The following CACNA2D1 variants were observed in gnomAD, a reference collection of about 807,000 sequenced individuals.
CACNA2D1 encodes calcium voltage-gated channel auxiliary subunit alpha2delta 1, also known as voltage-dependent calcium channel subunit alpha-2/delta-1.
Under a neutral mutation model 171.5 loss-of-function variants are expected in CACNA2D1, and 53 were observed. That is an observed-to-expected ratio of 0.31 (90% CI 0.25 to 0.39). The LOEUF (loss-of-function observed/expected upper bound fraction) is 0.39, where lower values mean the gene tolerates loss of function less well. CACNA2D1 is among the 10% of genes least tolerant of loss of function. The pLI is 1.00. For synonymous variants in CACNA2D1, 442 were observed against 443.1 expected (o/e 1.00, Z 0.03); for missense variants, 903 against 1,299.8 (o/e 0.69, Z 4.69).
intron 1 of CACNA2D1, 62 bp from the exon 2 acceptor site, chr7:82,349,711 A>T: frequency 1.6e-6 from 2 of 1,214,044 alleles, no homozygotes; most frequent in South Asian, 1.2e-5. Flanking sequence ...TCACATGCTG[A>T]TATTTTATAT....
intron 5 of CACNA2D1, among the ~76,000 whole-genome samples, chr7:82,130,273 T>G (rs965525861): frequency 6.6e-6 from 1 of 152,176 alleles, no homozygotes; most frequent in Non-Finnish European, 1.5e-5. Context: ...TCACAAAGAT[T>G]GGCTGTGCCT....
At chr7:82,269,439 T>C (rs566336742) in intron 3 of CACNA2D1, among the ~76,000 whole-genome samples, 18 of 152,308 alleles carry the variant, frequency 1.2e-4, no homozygotes, top group African/African-American at 4.1e-4. Flanking sequence ...TGTCTCACCA[T>C]TTTCTTCCTG....
chr7:81,976,404 T>C (rs1246561944), intron 24 of CACNA2D1, among the ~76,000 whole-genome samples: 4 of 152,196 alleles, frequency 2.6e-5, no homozygotes, highest in Non-Finnish European at 5.9e-5. Context: ...TGTTTTTGTC[T>C]TCTCTTACTT....
chr7:82,060,567 T>G (rs1350342844), intron 9 of CACNA2D1, 40 bp from the exon 10 acceptor site: 2 of 1,165,100 alleles, frequency 1.7e-6, no homozygotes, highest in East Asian at 2.4e-5. Context: ...TTACTCATCA[T>G]GTATTTAATC....
chr7:82,387,118 T>C (rs983224564), intron 1 of CACNA2D1, among the ~76,000 whole-genome samples: 3 of 152,284 alleles, frequency 2.0e-5, no homozygotes, highest in South Asian at 2.1e-4. Flanking sequence ...TTTCAAATGG[T>C]CATATGTCTT....
rs537061982 is a variant in CACNA2D1 at position 82,405,938 on chromosome 7, G to A, written c.95+37427C>T. On this transcript the variant is annotated intron_variant, in intron 1 of 38. Coordinates refer to ENST00000356860, the MANE Select transcript of CACNA2D1 (RefSeq NM_000722.4). ...AAGTTCTAGGGTACCTGCGCACAAC[G>A]TGCAGGTTTGTTACATATGTATCCA... Among the ~76,000 whole-genome samples, 122 of 152,176 alleles carry A rather than the reference G, an allele frequency of 8.0e-4. 1 individual carries two copies. Among genetic ancestry groups the A allele is most frequent in the African/African-American group, 2.6e-3 (110 of 41,510 alleles).
chr7:82,423,329 A>G (rs1249157516), intron 1 of CACNA2D1, among the ~76,000 whole-genome samples: 6 of 152,158 alleles, frequency 3.9e-5, no homozygotes, highest in Non-Finnish European at 8.8e-5. Flanking sequence ...ACAATTTTAC[A>G]TACATCTGCT....
At chr7:81,989,537 T>G (rs1797316644) in intron 21 of CACNA2D1, among the ~76,000 whole-genome samples, 1 of 152,074 alleles carries the variant, frequency 6.6e-6, no homozygotes, top group African/African-American at 2.4e-5. Flanking sequence ...TATTACAGGT[T>G]TGGAGAGTGA....
chr7:82,399,038 T>C lies in CACNA2D1; in HGVS notation c.95+44327A>G, dbSNP rs1308677007. On this transcript the variant is annotated intron_variant, in intron 1 of 38. Coordinates refer to ENST00000356860, the MANE Select transcript of CACNA2D1 (RefSeq NM_000722.4). ...GAACCTTCTACATTTGAATCACCAA[T>C]TCAAAGTAGATCAACACACTCACCA... Among the ~76,000 whole-genome samples the C allele has an allele frequency of 2.0e-5, 3 of 152,234 alleles. No homozygotes were observed. In the South Asian group the frequency reaches 6.2e-4, roughly 32 times the overall value.
chr7:81,974,145 C>T (rs1795588105), intron 25 of CACNA2D1, among the ~76,000 whole-genome samples: 1 of 151,886 alleles, frequency 6.6e-6, no homozygotes, highest in Non-Finnish European at 1.5e-5. Context: ...TATAAAAAAA[C>T]CTTCAAAAGA....
At chr7:82,219,774 A>G (rs1398099037) in intron 3 of CACNA2D1, among the ~76,000 whole-genome samples, 1 of 152,122 alleles carries the variant, frequency 6.6e-6, no homozygotes, top group Non-Finnish European at 1.5e-5. Flanking sequence ...GAAATATCTA[A>G]GCACATTTCT....
intron 4 of CACNA2D1, among the ~76,000 whole-genome samples, chr7:82,138,602 A>G (rs899501946): frequency 6.6e-6 from 1 of 151,658 alleles, no homozygotes; most frequent in Non-Finnish European, 1.5e-5. Flanking sequence ...GCCCGCCACC[A>G]TGCCCCGCTA....
intron 6 of CACNA2D1, among the ~76,000 whole-genome samples, chr7:82,093,372 G>C (rs947867892): frequency 3.3e-5 from 5 of 151,946 alleles, no homozygotes; most frequent in Non-Finnish European, 5.9e-5. Flanking sequence ...CTAATACTCA[G>C]CATTTAAAAT....
At chr7:82,381,416 T>G (rs1823703527) in intron 1 of CACNA2D1, among the ~76,000 whole-genome samples, 1 of 152,130 alleles carries the variant, frequency 6.6e-6, no homozygotes, top group Non-Finnish European at 1.5e-5. Context: ...TGACTACCTT[T>G]ATCATTAGCT....
At chr7:82,167,062 T>A (rs1795530310) in intron 4 of CACNA2D1, among the ~76,000 whole-genome samples, 1 of 152,100 alleles carries the variant, frequency 6.6e-6, no homozygotes. Context: ...CATTGCTCTT[T>A]GAAATGTTAA....
intron 2 of CACNA2D1, among the ~76,000 whole-genome samples, chr7:82,348,373 ATT>A (rs200075306): frequency 6.7e-6 from 1 of 150,106 alleles, no homozygotes; most frequent in African/African-American, 2.4e-5. Flanking sequence ...AGTAATCGAG[ATT>A]TTTTTTTTAT....
At chr7:82,054,267 T>C (rs1343273208) in intron 10 of CACNA2D1, among the ~76,000 whole-genome samples, 1 of 152,224 alleles carries the variant, frequency 6.6e-6, no homozygotes, top group Non-Finnish European at 1.5e-5. Flanking sequence ...TAGATGATAT[T>C]GATGCCCTAT....
chr7:82,302,079 C>T (rs1029189872), intron 3 of CACNA2D1, among the ~76,000 whole-genome samples: 4 of 152,032 alleles, frequency 2.6e-5, no homozygotes, highest in Non-Finnish European at 5.9e-5. Flanking sequence ...ATTTTATAGA[C>T]AGAATATATT....
intron 3 of CACNA2D1, among the ~76,000 whole-genome samples, chr7:82,274,862 G>A (rs1351789665): frequency 6.8e-6 from 1 of 146,760 alleles, no homozygotes; most frequent in Non-Finnish European, 1.5e-5. Context: ...ATTTATGAAT[G>A]AATGAATGAA....
Sources: allele counts gnomAD v4.1 joint callset (sites outside exome capture counted in the v4.1 genomes callset), GRCh38; gene constraint gnomAD v4.1.1; transcripts MANE v1.5; gene names NCBI Gene and HGNC (gene_info 2026-07-23, HGNC 2026-07-21).